The following PLAC8 variants were observed in gnomAD, a reference collection of about 807,000 sequenced individuals.
PLAC8 encodes placenta-specific gene 8 protein.
PLAC8 carries 6 observed loss-of-function variants against 12.6 expected under a neutral mutation model. The observed-to-expected ratio is 0.48, with a 90% confidence interval of 0.26 to 0.94. The LOEUF (loss-of-function observed/expected upper bound fraction) is 0.94, where lower values mean the gene tolerates loss of function less well. Ranked by LOEUF, PLAC8 falls within the 40% of genes least tolerant of loss-of-function variation. The pLI, the probability that PLAC8 is intolerant of heterozygous loss-of-function variation, is 0.14. For missense variants in PLAC8, 122 were observed against 152.7 expected, an observed-to-expected ratio of 0.80 and a Z score of 1.06; for synonymous variants, 54 against 52.6, an observed-to-expected ratio of 1.03 and a Z score of -0.11.
intron 2 of PLAC8, among the ~76,000 whole-genome samples, chr4:83,105,306 T>C (rs1334134617): frequency 2.6e-5 from 4 of 152,206 alleles, no homozygotes; most frequent in Non-Finnish European, 1.5e-5. Context: ...TTTCCAGACA[T>C]TATCCTCAGT....
intron 1 of PLAC8, among the ~76,000 whole-genome samples, chr4:83,113,387 A>G (rs993861954): frequency 5.9e-5 from 9 of 152,206 alleles, no homozygotes; most frequent in Admixed American, 2.0e-4. Context: ...GGCACTTCAC[A>G]AGATTCTAAT....
chr4:83,105,540 C>CTAG (rs1455320590), intron 2 of PLAC8, among the ~76,000 whole-genome samples: 1 of 152,184 alleles, frequency 6.6e-6, no homozygotes, highest in East Asian at 1.9e-4. Context: ...CTGGCAAAGG[C>CTAG]TAGTGTTCAT....
rs1731782311 is a variant in PLAC8, at chr4:83,090,524, T to A, written c.*457A>T. 2.2e-5 allele frequency: 1 copy of A among 44,704 alleles called. No individual in the cohort carries two copies. The highest frequency in any genetic ancestry group is 4.0e-5 in the Non-Finnish European group (1 of 25,176). The allele number at this position is 44,704 out of a possible 1,614,324, so 2.8% of individuals were successfully genotyped here. On this transcript the variant is annotated 3_prime_UTR_variant, in exon 5 of 5. Transcript: ENST00000311507. ...GCCTGGGCAACAGAGCGAGACTCTA[T>A]CTCAAAAAAAAAAAAAAAAAAAGAA...
intron 3 of PLAC8, among the ~76,000 whole-genome samples, chr4:83,098,355 A>G (rs1731998128): frequency 6.6e-6 from 1 of 152,214 alleles, no homozygotes. Flanking sequence ...TGGGGCCAGA[A>G]TCTGGGCCCA....
At chr4:83,108,542 C>A (rs1458806012) in intron 1 of PLAC8, among the ~76,000 whole-genome samples, 1 of 152,162 alleles carries the variant, frequency 6.6e-6, no homozygotes, top group Admixed American at 6.5e-5. Context: ...TGCATTAAGC[C>A]GAGGTCATAC....
chr4:83,096,058 T>C (rs1322439911), intron 3 of PLAC8, among the ~76,000 whole-genome samples: 1 of 152,226 alleles, frequency 6.6e-6, no homozygotes, highest in East Asian at 1.9e-4. Context: ...AATTTTAATC[T>C]TGTGGCTAAT....
chr4:83,108,974 C>A (rs929761237), intron 1 of PLAC8, among the ~76,000 whole-genome samples: 2 of 152,100 alleles, frequency 1.3e-5, no homozygotes, highest in African/African-American at 4.8e-5. Context: ...CCTGACGGAC[C>A]CTGCTGTGTG....
At chr4:83,098,695 G>C (rs939811679) in intron 3 of PLAC8, among the ~76,000 whole-genome samples, 1 of 151,862 alleles carries the variant, frequency 6.6e-6, no homozygotes, top group African/African-American at 2.4e-5. Flanking sequence ...TCTTCATTGA[G>C]TCTTGTTTGG....
intron 3 of PLAC8, among the ~76,000 whole-genome samples, chr4:83,099,547 G>C (rs190582241): frequency 7.9e-5 from 12 of 152,312 alleles, no homozygotes; most frequent in Non-Finnish European, 1.8e-4. Flanking sequence ...TGGTGATATA[G>C]TTTGGATGTT....
At chr4:83,096,500 A>G (rs1469114661) in intron 3 of PLAC8, among the ~76,000 whole-genome samples, 1 of 152,252 alleles carries the variant, frequency 6.6e-6, no homozygotes, top group Non-Finnish European at 1.5e-5. Flanking sequence ...TTTAATGACA[A>G]ATTGAAACAC....
At chr4:83,094,850 T>G in intron 3 of PLAC8, 59 bp from the exon 4 acceptor site, 1 of 967,888 alleles carries the variant, frequency 1.0e-6, no homozygotes, top group Non-Finnish European at 1.5e-6. Context: ...AATTAAGACT[T>G]GCCACATCTT....
At chr4:83,108,355 G>A (rs894881162) in intron 1 of PLAC8, among the ~76,000 whole-genome samples, 1 of 152,192 alleles carries the variant, frequency 6.6e-6, no homozygotes, top group African/African-American at 2.4e-5. Context: ...CACTTTGGGA[G>A]GCCGAGGCCG....
chr4:83,114,061 T>C (rs1192276341), intron 1 of PLAC8, among the ~76,000 whole-genome samples: 1 of 151,688 alleles, frequency 6.6e-6, no homozygotes, highest in Non-Finnish European at 1.5e-5. Context: ...TGTTTATTGA[T>C]GTTAAATTTC....
At chr4:83,095,118 G>A (rs1731894873) in intron 3 of PLAC8, among the ~76,000 whole-genome samples, 1 of 152,182 alleles carries the variant, frequency 6.6e-6, no homozygotes, top group African/African-American at 2.4e-5. Flanking sequence ...AGTAGGGGAT[G>A]TGTTCCACCA....
At chr4:83,098,856 T>C (rs1732014695) in intron 3 of PLAC8, among the ~76,000 whole-genome samples, 1 of 152,126 alleles carries the variant, frequency 6.6e-6, no homozygotes, top group East Asian at 1.9e-4. Context: ...CTTTCCAAAA[T>C]CAAATTATAA....
intron 3 of PLAC8, among the ~76,000 whole-genome samples, chr4:83,103,042 C>A (rs1381374070): frequency 2.8e-5 from 4 of 145,046 alleles, no homozygotes; most frequent in Admixed American, 7.1e-5. Flanking sequence ...GCCGAGATGG[C>A]GCCACTGCAC....
At chr4:83,096,033 T>C (rs547970054) in intron 3 of PLAC8, among the ~76,000 whole-genome samples, 2 of 152,356 alleles carry the variant, frequency 1.3e-5, no homozygotes, top group African/African-American at 2.4e-5. Flanking sequence ...TCCAGCTCCA[T>C]GACTTCTAAA....
intron 3 of PLAC8, among the ~76,000 whole-genome samples, chr4:83,097,951 C>A (rs547899770): frequency 2.6e-4 from 39 of 151,632 alleles, no homozygotes; most frequent in African/African-American, 9.4e-4. Flanking sequence ...CTCCGCCTCC[C>A]GGGTTCAAGT....
At chr4:83,111,586 C>G (rs1262671368) in intron 1 of PLAC8, among the ~76,000 whole-genome samples, 1 of 152,130 alleles carries the variant, frequency 6.6e-6, no homozygotes, top group African/African-American at 2.4e-5. Context: ...TGGCATGAAA[C>G]TGGTATTCAA....
Sources: allele counts gnomAD v4.1 joint callset (sites outside exome capture counted in the v4.1 genomes callset), GRCh38; gene constraint gnomAD v4.1.1; transcripts MANE v1.5; gene names NCBI Gene and HGNC (gene_info 2026-07-23, HGNC 2026-07-21).